Variants in ARNT2 observed in about 807,000 individuals in gnomAD.
ARNT2 encodes ARNT protein 2.
A neutral mutation model predicts 91.7 loss-of-function variants in ARNT2; 36 were observed. The ratio of observed to expected loss-of-function variants is 0.39; its 90% CI spans 0.30 to 0.52. The LOEUF (loss-of-function observed/expected upper bound fraction) is 0.52, where lower values mean the gene tolerates loss of function less well. Ranked by LOEUF, ARNT2 falls within the 20% of genes least tolerant of loss-of-function variation. ARNT2 has a pLI of 0.72. For synonymous variants in ARNT2, 365 were observed against 347.1 expected (o/e 1.05, Z -0.57); for missense variants, 775 against 939.3 (o/e 0.83, Z 2.29).
rs1566990324 is a variant in ARNT2, at chr15:80,510,814, A to G, written c.725+2556A>G. 7.9e-5 allele frequency among the ~76,000 whole-genome samples: 12 copies of G among 152,256 alleles called. No homozygotes were observed. In the South Asian group the frequency reaches 2.3e-3, roughly 29 times the overall value. On this transcript the variant is annotated intron_variant, in intron 6 of 18. Transcript: ENST00000303329. ...ACGCACTCCAGCCTGGCAACAGAGC[A>G]AGACTCCATCTCAAAAATAAATAAA... is the stretch of plus-strand genomic sequence containing the variant.
chr15:80,437,267 C>T (rs551073252), intron 1 of ARNT2, among the ~76,000 whole-genome samples: 6 of 152,252 alleles, frequency 3.9e-5, no homozygotes, highest in Non-Finnish European at 8.8e-5. Context: ...CCTCTTGCCC[C>T]GACTTCAGAG....
chr15:80,537,859 A>G (rs1403665193), intron 8 of ARNT2, among the ~76,000 whole-genome samples: 2 of 152,196 alleles, frequency 1.3e-5, no homozygotes, highest in Non-Finnish European at 2.9e-5. Context: ...AAATGTGACC[A>G]TATTTGGAAA....
rs1314904517 is a variant in ARNT2, at chr15:80,481,614, G to A, written c.622+6391G>A. ...TGTAGCTGCAGCTACTCAGGAGGCT[G>A]AAGTGGGAGGATCGCTTGAGCCCAA... On this transcript the variant is annotated intron_variant, in intron 5 of 18. Coordinates refer to ENST00000303329, the MANE Select transcript of ARNT2 (RefSeq NM_014862.4). 5.3e-5 allele frequency among the ~76,000 whole-genome samples: 8 copies of A among 152,314 alleles called. No individual in the cohort carries two copies. The South Asian group carries it at 1.7e-3, about 32-fold the overall frequency.
intron 1 of ARNT2, among the ~76,000 whole-genome samples, chr15:80,428,977 T>G (rs1895971748): frequency 1.3e-5 from 2 of 152,226 alleles, no homozygotes; most frequent in Non-Finnish European, 1.5e-5. Flanking sequence ...ATTAGAATAC[T>G]GTATTCCAAA....
intron 11 of ARNT2, among the ~76,000 whole-genome samples, chr15:80,559,315 TCCCAGCCCCAGA>T (rs944335683): frequency 3.3e-5 from 5 of 151,470 alleles, no homozygotes; most frequent in Admixed American, 6.6e-5. Flanking sequence ...GTGCCGGCAG[TCCCAGCCCCAGA>T]CCCAGCCCCA....
intron 9 of ARNT2, 47 bp from the exon 10 acceptor site, chr15:80,552,591 ATC>A: frequency 6.3e-7 from 1 of 1,596,430 alleles, no homozygotes; most frequent in Non-Finnish European, 8.6e-7. Flanking sequence ...CACCATCTCC[ATC>A]TCGTCTCTGT....
intron 8 of ARNT2, among the ~76,000 whole-genome samples, chr15:80,535,046 C>A (rs1411090477): frequency 6.6e-6 from 1 of 152,124 alleles, no homozygotes; most frequent in Non-Finnish European, 1.5e-5. Flanking sequence ...GAAGTCAGTA[C>A]AAATTTTAGG....
At chr15:80,487,898 A>G (rs1344775101) in intron 5 of ARNT2, 1 of 152,250 alleles carries the variant, frequency 6.6e-6, no homozygotes, top group Non-Finnish European at 1.5e-5. Flanking sequence ...TGTAAGAGAA[A>G]TAACGGAGAG....
chr15:80,477,095 C>T (rs1313245946), intron 5 of ARNT2, among the ~76,000 whole-genome samples: 1 of 152,254 alleles, frequency 6.6e-6, no homozygotes, highest in Non-Finnish European at 1.5e-5. Context: ...CCTTCACCTT[C>T]CGCCATGATT....
intron 1 of ARNT2, among the ~76,000 whole-genome samples, chr15:80,439,322 C>G (rs560569738): frequency 6.6e-6 from 1 of 152,280 alleles, no homozygotes; most frequent in East Asian, 1.9e-4. Flanking sequence ...ATCGTAAGGC[C>G]ATTGATCATG....
chr15:80,562,199 C>T (rs781285260), intron 11 of ARNT2, among the ~76,000 whole-genome samples: 1 of 152,112 alleles, frequency 6.6e-6, no homozygotes, highest in Non-Finnish European at 1.5e-5. Flanking sequence ...CTCAGCCTCC[C>T]AAGTAGCTGG....
At chr15:80,516,906 T>C (rs1320908818) in intron 8 of ARNT2, among the ~76,000 whole-genome samples, 1 of 146,358 alleles carries the variant, frequency 6.8e-6, no homozygotes, top group Non-Finnish European at 1.5e-5. Context: ...AGGCACCTTA[T>C]AATAAAATCT....
At chr15:80,425,108 C>T (rs568668280) in intron 1 of ARNT2, among the ~76,000 whole-genome samples, 1 of 152,364 alleles carries the variant, frequency 6.6e-6, no homozygotes, top group South Asian at 2.1e-4. Context: ...TCTTGGCACA[C>T]TGGTTTTTGT....
At chr15:80,518,277 C>CTTTTTTTTTTTTTTTTTTTTT (rs56726705) in intron 8 of ARNT2, among the ~76,000 whole-genome samples, 4 of 89,376 alleles carry the variant, frequency 4.5e-5, no homozygotes, top group African/African-American at 1.4e-4. Flanking sequence ...TTTTTCTATT[C>CTTTTTTTTTTTTTTTTTTTTT]TTTTTTTTTT....
chr15:80,427,044 A>T (rs1335288243), intron 1 of ARNT2, among the ~76,000 whole-genome samples: 2 of 152,064 alleles, frequency 1.3e-5, no homozygotes, highest in African/African-American at 4.8e-5. Flanking sequence ...ATACTTTCAC[A>T]TTGGGGGTTA....
intron 1 of ARNT2, among the ~76,000 whole-genome samples, chr15:80,445,915 C>T (rs930016571): frequency 5.3e-5 from 8 of 152,114 alleles, no homozygotes; most frequent in African/African-American, 1.9e-4. Context: ...CTCTCTTGCA[C>T]TCCTGTGAGT....
rs955441940 is a variant in ARNT2 at position 80,404,651 on chromosome 15, C to G, written c.31+105C>G. The G allele has an allele frequency of 1.5e-5, 12 of 779,972 alleles. 1 individual carries two copies. The African/African-American group carries it at 1.7e-4, about 11-fold the overall frequency. 48.3% of individuals were successfully genotyped at this position (779,972 alleles called of 1,614,324 possible). On this transcript the variant is annotated intron_variant, in intron 1 of 18. Coordinates refer to ENST00000303329, the MANE Select transcript of ARNT2 (RefSeq NM_014862.4). The surrounding 1 kb of genome is among the most constrained non-coding windows in gnomAD (Gnocchi z 5.5). ...CGCCCCCGGGGGCGCGGAGCCGCAG[C>G]TCGGCGCGGTGGGTGGTGGAGCGGC...
At chr15:80,431,273 G>T (rs1429448493) in intron 1 of ARNT2, among the ~76,000 whole-genome samples, 1 of 152,160 alleles carries the variant, frequency 6.6e-6, no homozygotes, top group Non-Finnish European at 1.5e-5. Flanking sequence ...GCTCTTCTGT[G>T]CAGGGGTATC....
chr15:80,443,550 G>GCGCTGC (rs1259771243), intron 1 of ARNT2, among the ~76,000 whole-genome samples: 1 of 152,202 alleles, frequency 6.6e-6, no homozygotes, highest in African/African-American at 2.4e-5. Flanking sequence ...AGAAGCAGCA[G>GCGCTGC]CGGAGGCAGC....
Sources: gnomAD v4.1 joint callset for allele counts (sites outside exome capture counted in the v4.1 genomes callset) on GRCh38, gnomAD v4.1.1 for gene constraint, Gnocchi (gnomAD v3.1) non-coding constraint, MANE v1.5 for transcripts, NCBI Gene and HGNC (gene_info 2026-07-23, HGNC 2026-07-21) for gene names.